RBM25: variants seen among roughly 807,000 people sequenced by gnomAD.
RBM25 encodes RNA binding motif protein 25.
In RBM25, 19 loss-of-function variants were observed where a neutral mutation model predicts 120.7. That is an observed-to-expected ratio of 0.16 (90% confidence interval 0.11 to 0.23). RBM25 has a LOEUF of 0.23. RBM25 is among the 10% of genes least tolerant of loss of function. The probability of loss-of-function intolerance (pLI) is 1.00; values close to 1 mark genes in which losing one functional copy is unlikely to be tolerated. For missense variants in RBM25, 605 were observed against 1,041.5 expected (o/e 0.58, Z 5.77); for synonymous variants, 390 against 326.7 (o/e 1.19, Z -2.09).
intron 5 of RBM25, among the ~76,000 whole-genome samples, chr14:73,086,618 T>C (rs1895691914): frequency 6.6e-6 from 1 of 152,316 alleles, no homozygotes; most frequent in Admixed American, 6.5e-5. Flanking sequence ...AACTATTAAT[T>C]ACTGAGTTGC....
chr14:73,091,276 G>A (rs1895807783), intron 6 of RBM25, among the ~76,000 whole-genome samples: 1 of 152,170 alleles, frequency 6.6e-6, no homozygotes, highest in African/African-American at 2.4e-5. Context: ...CCAGGCTCGA[G>A]TGTGGGGTGG....
intron 6 of RBM25, among the ~76,000 whole-genome samples, chr14:73,091,846 C>G (rs868571989): frequency 1.3e-5 from 2 of 151,992 alleles, no homozygotes; most frequent in African/African-American, 4.8e-5. Flanking sequence ...CCACTGCAGT[C>G]CAGCCTGGGT....
At position 73,106,265 on chromosome 14, in the gene RBM25, G is replaced by T; in HGVS notation, c.1447G>T (p.Glu483Ter). Residue 483 changes from glutamate (E) to a stop codon, truncating the protein, a stop_gained, in exon 12 of 19, where the codon GAA becomes TAA. Transcript: ENST00000261973. LOFTEE classifies it high-confidence loss of function. The stretch of plus-strand genomic sequence containing the variant: ...ATATGAGAAAGAAGCTGAAAGAGAA[G>T]AAGAAAGAAGAAGAGAAATGGTAAG... Reference protein sequence around the residue: ...REYEKEAEREEERRREMAKEA... With the variant: ...REYEKEAERE 1 of 1,593,786 alleles carries T rather than the reference G, an allele frequency of 6.3e-7. No individual in the cohort carries two copies. The highest frequency in any genetic ancestry group is 8.5e-7 in the Non-Finnish European group (1 of 1,173,416).
chr14:73,109,949 A>T (rs1896273993), intron 14 of RBM25, among the ~76,000 whole-genome samples: 1 of 151,634 alleles, frequency 6.6e-6, no homozygotes, highest in South Asian at 2.1e-4. Flanking sequence ...CAGTGGTGTC[A>T]TCTTGGCTCA....
Position 73,122,127 on chromosome 14 carries a change from T to C in RBM25, c.*2322T>C, listed in dbSNP as rs1378565847. 6.6e-6 allele frequency: 1 copy of C among 152,184 alleles called. No individual in the cohort carries two copies. The highest frequency in any genetic ancestry group is 1.5e-5 in the Non-Finnish European group (1 of 68,034). The allele number at this position is 152,184 out of a possible 1,614,324, so 9.4% of individuals were successfully genotyped here. A position where few individuals can be genotyped will look rare whatever the true frequency, so the allele number is the denominator to read the frequency against. On this transcript the variant is annotated 3_prime_UTR_variant, in exon 19 of 19. Transcript: ENST00000261973. ...AGTGTCTGAAAATACACATAAGAAA[T>C]TTCTATTAAGTTGCTTGAACTTTGT...
intron 4 of RBM25, among the ~76,000 whole-genome samples, chr14:73,082,370 C>T (rs959294545): frequency 6.6e-6 from 1 of 152,170 alleles, no homozygotes; most frequent in Non-Finnish European, 1.5e-5. Context: ...CAGCTCACTG[C>T]AGCCTCGATT....
At chr14:73,083,626 A>G in intron 5 of RBM25, 75 bp downstream of exon 5, 1 of 1,041,958 alleles carries the variant, frequency 9.6e-7, no homozygotes, top group Non-Finnish European at 1.4e-6. Context: ...GCATGACTTA[A>G]CTCTCATTGT....
At chr14:73,104,698 C>T (rs362412) in intron 10 of RBM25, among the ~76,000 whole-genome samples, 19,957 of 152,084 alleles carry the variant, frequency 0.13, 1,372 homozygotes, top group African/African-American at 0.15. Context: ...AGTCATCTCA[C>T]TGTTGAATAA....
chr14:73,097,943 A>G (rs181931716), intron 7 of RBM25, among the ~76,000 whole-genome samples: 1 of 152,334 alleles, frequency 6.6e-6, no homozygotes, highest in African/African-American at 2.4e-5. Context: ...ATAAACTTAG[A>G]TAAATTATAG....
intron 13 of RBM25, 176 bp from the exon 14 acceptor site, chr14:73,109,166 A>T (rs911944289): frequency 1.8e-6 from 1 of 553,774 alleles, no homozygotes; most frequent in Admixed American, 3.2e-5. Flanking sequence ...TGCTTGTTAT[A>T]CATTTACATG....
intron 1 of RBM25, among the ~76,000 whole-genome samples, chr14:73,070,933 G>C (rs1346387348): frequency 1.5e-5 from 2 of 137,212 alleles, no homozygotes; most frequent in Admixed American, 7.8e-5. Flanking sequence ...GCGATAGAGC[G>C]AGACTCCATC....
intron 4 of RBM25, 133 bp downstream of exon 4, chr14:73,077,669 A>G: frequency 1.3e-6 from 1 of 747,618 alleles, no homozygotes; most frequent in Non-Finnish European, 2.1e-6. Context: ...GTGAAAAAGT[A>G]CAGTGAACAC....
At chr14:73,074,204 C>T (rs1243042849) in intron 2 of RBM25, among the ~76,000 whole-genome samples, 1 of 152,074 alleles carries the variant, frequency 6.6e-6, no homozygotes, top group Non-Finnish European at 1.5e-5. Flanking sequence ...TAATGCAGTT[C>T]TGGGTTTTAA....
At chr14:73,104,289 C>G (rs1896133417) in intron 10 of RBM25, among the ~76,000 whole-genome samples, 1 of 151,946 alleles carries the variant, frequency 6.6e-6, no homozygotes, top group African/African-American at 2.4e-5. Context: ...TATAAATTTA[C>G]TATCTACCTC....
intron 1 of RBM25, among the ~76,000 whole-genome samples, chr14:73,060,995 T>C (rs1894990788): frequency 1.3e-5 from 2 of 151,092 alleles, no homozygotes; most frequent in Admixed American, 1.3e-4. Flanking sequence ...CTAACACTGA[T>C]AAAATACCTA....
At position 73,120,674 on chromosome 14, in the gene RBM25, C is replaced by A. The variant is rs568447745; in HGVS notation, c.*869C>A. ...GAGAGCTGTATTTAATGCATTTTTG[C>A]ACTAATTGGTCCTTAGTTTAATTCT... is the stretch of plus-strand genomic sequence containing the variant. On this transcript the variant is annotated 3_prime_UTR_variant, in exon 19 of 19. Coordinates refer to ENST00000261973, the MANE Select transcript of RBM25 (RefSeq NM_021239.3). 2 of 152,214 alleles carry A rather than the reference C, an allele frequency of 1.3e-5. No individual in the cohort carries two copies. The highest frequency in any genetic ancestry group is 4.8e-5 in the African/African-American group (2 of 41,526). The allele number at this position is 152,214 out of a possible 1,614,324, so 9.4% of individuals were successfully genotyped here.
chr14:73,097,189 TTC>T (rs1201754494), intron 7 of RBM25, 89 bp downstream of exon 7: 3 of 639,552 alleles, frequency 4.7e-6, no homozygotes, highest in Non-Finnish European at 6.1e-6. Context: ...GTTTTCTTTT[TTC>T]TTTTCTTTTT....
At position 73,120,743 on chromosome 14, in the gene RBM25, T is replaced by G. The variant is rs770800906; in HGVS notation, c.*938T>G. The G allele has an allele frequency of 6.6e-6, 1 of 152,134 alleles. No individual in the cohort carries two copies. The highest frequency in any genetic ancestry group is 1.5e-5 in the Non-Finnish European group (1 of 68,008). 9.4% of individuals were successfully genotyped at this position (152,134 alleles called of 1,614,324 possible). On this transcript the variant is annotated 3_prime_UTR_variant, in exon 19 of 19. Transcript: ENST00000261973. ...ACAAAAAATTCATCATACCAAAAAG[T>G]GTAAGTGAAAACCCCCTTTAAAACA...
At chr14:73,064,259 CTCAA>C (rs1446607258) in intron 1 of RBM25, among the ~76,000 whole-genome samples, 3 of 151,460 alleles carry the variant, frequency 2.0e-5, no homozygotes, top group Non-Finnish European at 4.4e-5. Flanking sequence ...AAAGTTAATT[CTCAA>C]TCAGTTTCAC....
Sources: gnomAD v4.1 joint callset for allele counts (sites outside exome capture counted in the v4.1 genomes callset) on GRCh38, gnomAD v4.1.1 for gene constraint, MANE v1.5 for transcripts, NCBI Gene and HGNC (gene_info 2026-07-23, HGNC 2026-07-21) for gene names.